The following PDE12 variants were observed in gnomAD, a reference collection of about 807,000 sequenced individuals.
The protein encoded by PDE12 is 2',5'-phosphodiesterase 12.
PDE12 carries 26 observed loss-of-function variants against 45.4 expected under a neutral mutation model. The ratio of observed to expected loss-of-function variants is 0.57; its 90% CI spans 0.42 to 0.79. PDE12 has a LOEUF of 0.79. Ranked by LOEUF, PDE12 falls within the 30% of genes least tolerant of loss-of-function variation. The pLI, the probability that PDE12 is intolerant of heterozygous loss-of-function variation, is 0.00. For missense variants in PDE12, 668 were observed against 790.0 expected (o/e 0.85, Z 1.85); for synonymous variants, 283 against 323.9 (o/e 0.87, Z 1.36).
At position 57,563,022 on chromosome 3, in the gene PDE12, T is replaced by G. The variant is rs1242060373; in HGVS notation, c.*3018T>G. 2.0e-5 allele frequency: 3 copies of G among 152,230 alleles called. No homozygotes were observed. The highest frequency in any genetic ancestry group is 4.4e-5 in the Non-Finnish European group (3 of 68,038). The allele number at this position is 152,230 out of a possible 1,614,324, so 9.4% of individuals were successfully genotyped here. A position where few individuals can be genotyped will look rare whatever the true frequency, so the allele number is the denominator to read the frequency against. Reference sequence around the variant, plus strand: ...AGTTCTTACGATGGAAATTGACATCTTTTGTATCTCATTCTCCAGCCGTGA... The same window carrying G: ...AGTTCTTACGATGGAAATTGACATCGTTTGTATCTCATTCTCCAGCCGTGA... On this transcript the variant is annotated 3_prime_UTR_variant, in exon 3 of 3. Transcript: ENST00000311180.
the PDE12 span, among the ~76,000 whole-genome samples, chr3:57,648,560 G>GT: frequency 5.3e-5 from 8 of 152,206 alleles, no homozygotes; most frequent in Middle Eastern, 6.8e-3. Flanking sequence ...CATAGCTAAA[G>GT]TAAGACTAAG....
At chr3:57,626,336 T>TA in the PDE12 span, 1 of 152,382 alleles carries the variant, frequency 6.6e-6, no homozygotes, top group East Asian at 1.9e-4. Context: ...TACAAATACA[T>TA]ACAACTAAAT....
the PDE12 span, among the ~76,000 whole-genome samples, chr3:57,621,695 A>G: frequency 9.2e-5 from 14 of 152,078 alleles, no homozygotes; most frequent in African/African-American, 3.1e-4. Context: ...AGAAGAAAAC[A>G]TAGGTCTTTG....
the PDE12 span, among the ~76,000 whole-genome samples, chr3:57,577,616 C>G: frequency 1.1e-4 from 16 of 152,178 alleles, no homozygotes; most frequent in Non-Finnish European, 2.4e-4. Context: ...CAATTAATTA[C>G]TTTTCTCAAC....
chr3:57,610,273 A>G, the PDE12 span, among the ~76,000 whole-genome samples: 47 of 152,282 alleles, frequency 3.1e-4, 1 homozygote, highest in African/African-American at 1.1e-3. Flanking sequence ...CCCACAGCCA[A>G]TATCATCCTG....
chr3:57,578,384 A>C, the PDE12 span, among the ~76,000 whole-genome samples: 3,623 of 151,534 alleles, frequency 0.024, 68 homozygotes, highest in Non-Finnish European at 0.035. Flanking sequence ...TCAAAACCCT[A>C]TCTCTTAAAA....
At chr3:57,570,260 C>G (rs1381191858), downstream of PDE12, among the ~76,000 whole-genome samples, 3 of 128,208 alleles carry the variant, frequency 2.3e-5, no homozygotes, top group African/African-American at 8.8e-5. Context: ...TCTTGCAGAC[C>G]GTGTGCAGTG....
rs914002065 is a variant in PDE12 at position 57,566,381 on chromosome 3, T to C, written c.*6377T>C. The C allele has an allele frequency of 6.6e-6, 1 of 152,254 alleles. No homozygotes were observed. The highest frequency in any genetic ancestry group is 2.4e-5 in the African/African-American group (1 of 41,468). 9.4% of individuals were successfully genotyped at this position (152,254 alleles called of 1,614,324 possible). A position where few individuals can be genotyped will look rare whatever the true frequency, so the allele number is the denominator to read the frequency against. On this transcript the variant is annotated 3_prime_UTR_variant, in exon 3 of 3. Coordinates refer to ENST00000311180, the MANE Select transcript of PDE12 (RefSeq NM_177966.7). ...CGTACCACATTTGTCCATTCATTAG[T>C]TGACAGACATTTGAATTGCTTCCAC...
rs146499663 is a variant in PDE12, at chr3:57,557,001, C to T, written c.622C>T (p.Pro208Ser). 1.7e-5 allele frequency: 28 copies of T among 1,614,016 alleles called. No individual in the cohort carries two copies. In the African/African-American group the frequency reaches 3.6e-4, roughly 21 times the overall value. Residue 208 changes from proline to serine, a missense_variant, in exon 1 of 3, where the codon CCC (proline) becomes TCC (serine). Transcript: ENST00000311180. ...YKEAKPGAAE[P>S]EVGVPSSLSP... Reference sequence around the variant, plus strand: ...GGAAGCCAAGCCCGGAGCGGCGGAGCCCGAGGTCGGTGTCCCCTCGTCATT... The same window carrying T: ...GGAAGCCAAGCCCGGAGCGGCGGAGTCCGAGGTCGGTGTCCCCTCGTCATT...
At chr3:57,598,678 G>C in the PDE12 span, among the ~76,000 whole-genome samples, 2 of 152,182 alleles carry the variant, frequency 1.3e-5, no homozygotes, top group Admixed American at 1.3e-4. Flanking sequence ...CTACTCCGGA[G>C]GCTGAGGCAG....
chr3:57,614,533 T>TTG, the PDE12 span, among the ~76,000 whole-genome samples: 4 of 130,280 alleles, frequency 3.1e-5, no homozygotes, highest in African/African-American at 5.8e-5. Context: ...GTTTTTTTTT[T>TTG]TTTGTTTTTT....
At chr3:57,618,616 T>TTTTTTG in the PDE12 span, among the ~76,000 whole-genome samples, 1 of 121,904 alleles carries the variant, frequency 8.2e-6, no homozygotes, top group South Asian at 2.9e-4. Flanking sequence ...TGTTTTTTTT[T>TTTTTTG]TTTTTTTTTT....
At chr3:57,558,247 G>T (rs1320821522) in intron 1 of PDE12, among the ~76,000 whole-genome samples, 1 of 152,092 alleles carries the variant, frequency 6.6e-6, no homozygotes, top group Non-Finnish European at 1.5e-5. Context: ...CACCTTATAA[G>T]ATCATTTAAT....
At chr3:57,608,334 G>T in the PDE12 span, among the ~76,000 whole-genome samples, 1 of 152,110 alleles carries the variant, frequency 6.6e-6, no homozygotes, top group Non-Finnish European at 1.5e-5. Flanking sequence ...ATCAAGTAAT[G>T]AGCAAAATAA....
the PDE12 span, among the ~76,000 whole-genome samples, chr3:57,623,232 G>A: frequency 1.3e-5 from 2 of 151,358 alleles, no homozygotes; most frequent in African/African-American, 2.4e-5. Context: ...GCAACACCGT[G>A]AGAACTCATC....
At chr3:57,603,621 ATT>A in the PDE12 span, among the ~76,000 whole-genome samples, 20 of 125,262 alleles carry the variant, frequency 1.6e-4, no homozygotes, top group Admixed American at 2.5e-4. Context: ...CCGGCCAGAA[ATT>A]TTTTTTTTTT....
At chr3:57,581,925 T>G in the PDE12 span, among the ~76,000 whole-genome samples, 7 of 152,194 alleles carry the variant, frequency 4.6e-5, no homozygotes, top group Non-Finnish European at 1.0e-4. Flanking sequence ...ATTCTATTTG[T>G]AGGTGTACAG....
downstream of PDE12, chr3:57,571,664 TAA>T (rs1458545335): frequency 3.3e-5 from 5 of 152,808 alleles, no homozygotes; most frequent in Non-Finnish European, 7.3e-5. Flanking sequence ...CCACCAAGGT[TAA>T]GTTTGGCTGA....
At chr3:57,610,127 G>C in the PDE12 span, among the ~76,000 whole-genome samples, 3 of 151,988 alleles carry the variant, frequency 2.0e-5, no homozygotes, top group Admixed American at 6.6e-5. Context: ...GAACCAAAGA[G>C]AAAAACCACA....
Sources: allele counts gnomAD v4.1 joint callset (sites outside exome capture counted in the v4.1 genomes callset), GRCh38; gene constraint gnomAD v4.1.1; transcripts MANE v1.5; gene names NCBI Gene and HGNC (gene_info 2026-07-23, HGNC 2026-07-21).